Variants in CDH26 observed in about 807,000 individuals in gnomAD.
CDH26 encodes cadherin-like protein 26.
A neutral mutation model predicts 90.3 loss-of-function variants in CDH26; 83 were observed. That is an observed-to-expected ratio of 0.92 (90% CI 0.77 to 1.10). The LOEUF (loss-of-function observed/expected upper bound fraction) is 1.10. Among genes scored for constraint, CDH26 ranks in the 50% least tolerant of loss-of-function variants. The probability of loss-of-function intolerance (pLI) is 0.00; values close to 1 mark genes in which losing one functional copy is unlikely to be tolerated. For synonymous variants in CDH26, 397 were observed against 396.3 expected, an observed-to-expected ratio of 1.00 and a Z score of -0.02; for missense variants, 1,013 against 1,037.6, an observed-to-expected ratio of 0.98 and a Z score of 0.33.
At chr20:59,967,945 T>TTCTTTCTA (rs1569024660) in intron 1 of CDH26, among the ~76,000 whole-genome samples, 3 of 109,374 alleles carry the variant, frequency 2.7e-5, no homozygotes, top group Non-Finnish European at 5.1e-5. Flanking sequence ...CTTTCTTTCT[T>TTCTTTCTA]TCTTTCTTTC....
At chr20:59,970,293 G>C in intron 3 of CDH26, 107 bp downstream of exon 3, 1 of 1,451,184 alleles carries the variant, frequency 6.9e-7, no homozygotes, top group Non-Finnish European at 9.2e-7. Flanking sequence ...GTGAGGCCAG[G>C]GAGTGAAGTA....
chr20:60,023,963 GA>G (rs2061977786), intron 7 of CDH26, among the ~76,000 whole-genome samples: 31 of 113,654 alleles, frequency 2.7e-4, no homozygotes, highest in Non-Finnish European at 3.3e-4. Context: ...GACAGAGGGA[GA>G]GAGAGAGAGA....
At chr20:59,995,434 T>C (rs928043834) in intron 11 of CDH26, among the ~76,000 whole-genome samples, 3 of 152,198 alleles carry the variant, frequency 2.0e-5, no homozygotes, top group African/African-American at 7.2e-5. Context: ...GCATCCCATG[T>C]GTGCTGTCCC....
In CDH26 at chr20:59,996,615, C is replaced by T; in HGVS notation, c.1889-16C>T. The T allele has an allele frequency of 6.2e-7, 1 of 1,614,180 alleles. No homozygotes were observed. Among genetic ancestry groups the T allele is most frequent in the South Asian group, 1.1e-5 (1 of 91,086 alleles). The stretch of plus-strand genomic sequence containing the variant: ...TGAGCTTGTCTAATCTGTTTTTCCC[C>T]TTTGTCTTATAACAGTGGCTCTGCT... On this transcript the variant is annotated splice_polypyrimidine_tract_variant and intron_variant, in intron 12 of 17. Transcript: ENST00000348616.
chr20:60,019,975 C>G (rs934425919), intron 7 of CDH26, among the ~76,000 whole-genome samples: 6 of 152,116 alleles, frequency 3.9e-5, no homozygotes, highest in Non-Finnish European at 1.5e-5. Flanking sequence ...ATAATCCATG[C>G]TAGTGATGTT....
At chr20:60,024,807 G>A (rs2061983395) in intron 7 of CDH26, among the ~76,000 whole-genome samples, 1 of 152,202 alleles carries the variant, frequency 6.6e-6, no homozygotes, top group Admixed American at 6.5e-5. Flanking sequence ...TTTAGCCAGG[G>A]CTATGGCTTT....
At position 59,992,355 on chromosome 20, in the gene CDH26, G is replaced by A. The variant is rs756387883; in HGVS notation, c.1284-23G>A. Reference sequence around the variant, plus strand: ...ATGTAAGTTTTTAATTTTAAAAATTGCTGTCCGTTTTCCTTCTACAAGATA... The same window carrying A: ...ATGTAAGTTTTTAATTTTAAAAATTACTGTCCGTTTTCCTTCTACAAGATA... On this transcript the variant is annotated intron_variant, in intron 9 of 17. Coordinates refer to ENST00000348616, the MANE Select transcript of CDH26 (RefSeq NM_177980.4). This position sits in a 1 kb window ranked among gnomAD's most constrained non-coding sequence, Gnocchi z 5.0. The A allele has an allele frequency of 6.3e-7, 1 of 1,592,606 alleles. No individual in the cohort carries two copies. The highest frequency in any genetic ancestry group is 8.5e-7 in the Non-Finnish European group (1 of 1,173,516).
Position 59,988,943 on chromosome 20 carries a change from A to G in CDH26, c.1063A>G (p.Ile355Val), listed in dbSNP as rs547604097. Reference protein sequence around the residue: ...YETRPAQSLIIVVENEERLVF... With the variant: ...YETRPAQSLIVVVENEERLVF... Reference sequence around the variant, plus strand: ...GACTCGCCCAGCGCAAAGCCTCATCATTGTCGTGGAGAATGAGGAGAGGCT... The same window carrying G: ...GACTCGCCCAGCGCAAAGCCTCATCGTTGTCGTGGAGAATGAGGAGAGGCT... The change falls in exon 9 of 18, where the codon ATT becomes GTT. Residue 355 changes from isoleucine (I) to valine (V), a missense_variant. Physicochemically the swap from Ile to Val is conservative, Grantham distance 29. Coordinates refer to ENST00000348616, the MANE Select transcript of CDH26 (RefSeq NM_177980.4). The G allele has an allele frequency of 3.7e-6, 6 of 1,614,112 alleles. No individual in the cohort carries two copies. The highest frequency in any genetic ancestry group is 5.1e-6 in the Non-Finnish European group (6 of 1,180,026).
intron 16 of CDH26, among the ~76,000 whole-genome samples, chr20:60,006,178 T>C (rs947252040): frequency 1.3e-5 from 2 of 152,190 alleles, no homozygotes; most frequent in African/African-American, 4.8e-5. Context: ...CTGACTCACA[T>C]GATTTAGTGG....
At position 59,997,498 on chromosome 20, in the gene CDH26, G is replaced by C. The variant is rs553543073; in HGVS notation, c.2019+737G>C. Among the ~76,000 whole-genome samples the C allele has an allele frequency of 3.3e-5, 5 of 152,388 alleles. No individual in the cohort carries two copies. The South Asian group carries it at 1.0e-3, about 32-fold the overall frequency. ...CTAACACAAGGCAGAGCCATATAAAGTAATTGGCCAATGGCCACTGGTTTT... is the reference window on the plus strand; with the variant it reads ...CTAACACAAGGCAGAGCCATATAAACTAATTGGCCAATGGCCACTGGTTTT... On this transcript the variant is annotated intron_variant, in intron 13 of 17. Coordinates refer to ENST00000348616, the MANE Select transcript of CDH26 (RefSeq NM_177980.4).
At chr20:59,972,998 T>C (rs150347545) in intron 4 of CDH26, among the ~76,000 whole-genome samples, 214 of 152,278 alleles carry the variant, frequency 1.4e-3, no homozygotes, top group African/African-American at 4.9e-3. Context: ...ACTCTCTAGG[T>C]CTTCCTTATC....
In CDH26 at chr20:59,968,958, A is replaced by T; in HGVS notation, c.70-9A>T. On this transcript the variant is annotated splice_polypyrimidine_tract_variant and intron_variant, in intron 1 of 17. Coordinates refer to ENST00000348616, the MANE Select transcript of CDH26 (RefSeq NM_177980.4). ...TTCTCTACTAATTAATATTATTTTT[A>T]TTTTTAAGGTCAGTATCATTGACAG... The T allele has an allele frequency of 6.8e-7, 1 of 1,472,506 alleles. No homozygotes were observed. Among genetic ancestry groups the T allele is most frequent in the Non-Finnish European group, 9.4e-7 (1 of 1,060,300 alleles). 91.2% of individuals were successfully genotyped at this position (1,472,506 alleles called of 1,614,324 possible). A position where few individuals can be genotyped will look rare whatever the true frequency, so the allele number is the denominator to read the frequency against.
intron 15 of CDH26, chr20:60,001,715 A>T (rs1182146146): frequency 4.2e-5 from 31 of 734,144 alleles, no homozygotes; most frequent in Non-Finnish European, 5.0e-5. Flanking sequence ...ACCAGAGATC[A>T]TCTATAAAGT....
At chr20:60,010,796 T>A (rs1229491915) in intron 17 of CDH26, among the ~76,000 whole-genome samples, 1 of 152,206 alleles carries the variant, frequency 6.6e-6, no homozygotes, top group East Asian at 1.9e-4. Context: ...GGTGGCTTAA[T>A]GCGCAGAGCA....
chr20:59,959,347 G>A (rs1036714427), intron 1 of CDH26, among the ~76,000 whole-genome samples: 7 of 151,438 alleles, frequency 4.6e-5, no homozygotes, highest in Non-Finnish European at 1.0e-4. Flanking sequence ...TGATTTATTC[G>A]CCTTGCCCTT....
intron 3 of CDH26, 125 bp from the exon 4 acceptor site, chr20:59,971,837 G>T: frequency 1.5e-6 from 1 of 670,478 alleles, no homozygotes; most frequent in Non-Finnish European, 2.5e-6. Context: ...TATTTCTTTG[G>T]CAGATGTGCC....
intron 9 of CDH26, among the ~76,000 whole-genome samples, chr20:59,989,896 T>C (rs149667303): frequency 5.3e-4 from 81 of 152,302 alleles, no homozygotes; most frequent in African/African-American, 1.9e-3. Context: ...TACCATTTTA[T>C]CCATTTGTAA....
rs763693105 is a variant in CDH26 at position 59,988,999 on chromosome 20, G to T, written c.1119G>T (p.Pro373=). Residue 373 remains proline (P), a synonymous_variant, in exon 9 of 18, where the codon CCG becomes CCT. Coordinates refer to ENST00000348616, the MANE Select transcript of CDH26 (RefSeq NM_177980.4). ...LVFCERGKLQ[P]PRKAAASATV... is the part of the protein sequence containing the mutation. ...TCTGTGAGAGAGGAAAGCTTCAGCC[G>T]CCAAGGAAGGCAGCAGCCAGCGCCA... is the stretch of plus-strand genomic sequence containing the variant. 6.9e-5 allele frequency: 112 copies of T among 1,614,032 alleles called. No homozygotes were observed. Among genetic ancestry groups the T allele is most frequent in the Non-Finnish European group, 8.8e-5 (104 of 1,180,056 alleles).
chr20:59,967,975 C>CTT (rs1275838774), intron 1 of CDH26, among the ~76,000 whole-genome samples: 1 of 110,282 alleles, frequency 9.1e-6, no homozygotes, highest in Non-Finnish European at 1.8e-5. Context: ...TTCTTTCTTT[C>CTT]TTTCTTTCTT....
Sources: gnomAD v4.1 joint callset for allele counts (sites outside exome capture counted in the v4.1 genomes callset) on GRCh38, gnomAD v4.1.1 for gene constraint, Gnocchi (gnomAD v3.1) non-coding constraint, MANE v1.5 for transcripts, NCBI Gene and HGNC (gene_info 2026-07-23, HGNC 2026-07-21) for gene names.